The following DOCK11 variants were observed in gnomAD, a reference collection of about 807,000 sequenced individuals.
DOCK11 encodes the protein dedicator of cytokinesis protein 11.
A neutral mutation model predicts 169.1 loss-of-function variants in DOCK11; 70 were observed. That is an observed-to-expected ratio of 0.41 (90% CI 0.34 to 0.51). The LOEUF (loss-of-function observed/expected upper bound fraction) is 0.51, where lower values mean the gene tolerates loss of function less well. Ranked by LOEUF, DOCK11 falls within the 20% of genes least tolerant of loss-of-function variation. The probability of loss-of-function intolerance (pLI) is 0.10; values close to 1 mark genes in which losing one functional copy is unlikely to be tolerated. For synonymous variants in DOCK11, 529 were observed against 541.3 expected (o/e 0.98, Z 0.32); for missense variants, 1,166 against 1,538.8 (o/e 0.76, Z 4.05).
intron 46 of DOCK11, 146 bp downstream of exon 46, chrX:118,671,291 ATAGAG>A (rs747153953): frequency 7.7e-5 from 36 of 466,097 alleles, no homozygotes; most frequent in African/African-American, 6.4e-4. Flanking sequence ...GCATTTTATC[ATAGAG>A]TATAGTCTAT....
rs1217330205 is a variant in DOCK11, at chrX:118,638,165, C to T, written c.4001+38C>T. On this transcript the variant is annotated intron_variant, in intron 37 of 52. Transcript: ENST00000276202. Reference sequence around the variant, plus strand: ...GCACTGCAATTTCTACTTTTTCCTTCTCTTCCAACAGAGGGCAATCTTAGT... The same window carrying T: ...GCACTGCAATTTCTACTTTTTCCTTTTCTTCCAACAGAGGGCAATCTTAGT... 1.3e-5 allele frequency: 15 copies of T among 1,163,151 alleles called. No individual in the cohort carries two copies. The Admixed American group carries it at 2.5e-4, about 19-fold the overall frequency.
intron 1 of DOCK11, among the ~76,000 whole-genome samples, chrX:118,530,369 G>T (rs1256824129): frequency 3.5e-5 from 4 of 112,722 alleles, no homozygotes; most frequent in Non-Finnish European, 7.5e-5. Context: ...TTGACCTTCT[G>T]GCTTTCAGTG....
At chrX:118,538,780 A>G (rs1278217983) in intron 1 of DOCK11, 1 of 423,208 alleles carries the variant, frequency 2.4e-6, no homozygotes, top group East Asian at 1.9e-4. Flanking sequence ...GAAAGGATAA[A>G]TTACAAAGCT....
At position 118,550,371 on chromosome X, in the gene DOCK11, CGAGGCTGTAGT is replaced by C. The variant is rs200978229; in HGVS notation, c.558+4261_558+4271del. 2.4e-3 allele frequency among the ~76,000 whole-genome samples: 267 copies of C among 110,110 alleles called. 1 individual carries two copies. The highest frequency in any genetic ancestry group is 7.9e-3 in the African/African-American group (239 of 30,233). On this transcript the variant is annotated intron_variant, in intron 6 of 52. Coordinates refer to ENST00000276202, the MANE Select transcript of DOCK11 (RefSeq NM_144658.4). ...GGAGGATCACTTCAGCCTGGGAGGTCGAGGCTGTAGTGAGGCGAGATTGAGCCACTGCACTC... is the reference window on the plus strand; with the variant it reads ...GGAGGATCACTTCAGCCTGGGAGGTCGAGGCGAGATTGAGCCACTGCACTC...
chrX:118,586,559 G>A (rs965939023), intron 16 of DOCK11, among the ~76,000 whole-genome samples: 1 of 111,543 alleles, frequency 9.0e-6, no homozygotes, highest in Non-Finnish European at 1.9e-5. Flanking sequence ...ACAATTCATG[G>A]TGAGATTTGG....
intron 40 of DOCK11, among the ~76,000 whole-genome samples, chrX:118,647,527 TATA>T (rs1455784593): frequency 2.8e-4 from 21 of 74,693 alleles, no homozygotes; most frequent in East Asian, 7.6e-4. Flanking sequence ...TAATATATAA[TATA>T]ATATTATATA....
At chrX:118,650,222 C>G (rs948211751) in intron 41 of DOCK11, among the ~76,000 whole-genome samples, 2 of 111,416 alleles carry the variant, frequency 1.8e-5, no homozygotes, top group African/African-American at 6.5e-5. Flanking sequence ...GCAGAGTTAC[C>G]CTGAGGATTA....
At chrX:118,548,463 T>C (rs57964960) in intron 6 of DOCK11, among the ~76,000 whole-genome samples, 1,468 of 111,653 alleles carry the variant, frequency 0.013, 19 homozygotes, top group African/African-American at 0.045. Context: ...TCCACAATTA[T>C]GCGGGTGGGC....
intron 1 of DOCK11, among the ~76,000 whole-genome samples, chrX:118,537,140 A>G (rs1034137830): frequency 8.9e-6 from 1 of 112,179 alleles, no homozygotes; most frequent in Non-Finnish European, 1.9e-5. Flanking sequence ...CAATACTGCA[A>G]AAAAGCACTT....
chrX:118,648,075 T>TTGTAATATTATACA (rs1187043744), intron 40 of DOCK11, among the ~76,000 whole-genome samples: 1 of 51,295 alleles, frequency 1.9e-5, no homozygotes, highest in Non-Finnish European at 3.0e-5. Context: ...AATTGTAATA[T>TTGTAATATTATACA]ATATAATATA....
chrX:118,496,120 G>T (rs1470609534), intron 1 of DOCK11, 47 bp downstream of exon 1: 1 of 878,644 alleles, frequency 1.1e-6, no homozygotes, highest in East Asian at 4.6e-5. Flanking sequence ...GCTCCAGGCG[G>T]GAGCGACGCG....
Position 118,584,547 on chromosome X carries a change from C to T in DOCK11, c.1596-188C>T, listed in dbSNP as rs138969115. On this transcript the variant is annotated intron_variant, in intron 14 of 52. Coordinates refer to ENST00000276202, the MANE Select transcript of DOCK11 (RefSeq NM_144658.4). ...TGCGCAAATTAAGAACATTCATGTA[C>T]CATGTGGAAATATGCCTAGGAGTGG... is the stretch of plus-strand genomic sequence containing the variant. Among the ~76,000 whole-genome samples the T allele has an allele frequency of 7.5e-3, 840 of 112,008 alleles. 5 individuals are homozygous for T. Among genetic ancestry groups the T allele is most frequent in the Non-Finnish European group, 0.012 (652 of 53,206 alleles).
chrX:118,536,276 G>A (rs2011748924), intron 1 of DOCK11, among the ~76,000 whole-genome samples: 1 of 109,832 alleles, frequency 9.1e-6, no homozygotes, highest in African/African-American at 3.3e-5. Flanking sequence ...TCCATCCTGG[G>A]CGACAGAGTA....
chrX:118,621,719 C>T (rs1284661915), intron 31 of DOCK11, among the ~76,000 whole-genome samples: 3 of 111,161 alleles, frequency 2.7e-5, no homozygotes, highest in East Asian at 2.8e-4. Flanking sequence ...CTGCAGCCTC[C>T]GCCTCCCGGG....
chrX:118,593,054 A>G (rs762100337), intron 19 of DOCK11, among the ~76,000 whole-genome samples, 160 bp from the exon 20 acceptor site: 2 of 113,272 alleles, frequency 1.8e-5, no homozygotes, highest in African/African-American at 3.2e-5. Flanking sequence ...GAAACTGACC[A>G]GAAAAGCATT....
At chrX:118,561,675 G>A (rs906061833) in intron 7 of DOCK11, among the ~76,000 whole-genome samples, 158 bp downstream of exon 7, 2 of 109,133 alleles carry the variant, frequency 1.8e-5, no homozygotes, top group Non-Finnish European at 3.8e-5. Flanking sequence ...ACATCAGCCT[G>A]GGCAACAAAG....
intron 22 of DOCK11, among the ~76,000 whole-genome samples, chrX:118,598,394 T>TAA (rs35643381): frequency 2.1e-5 from 2 of 96,147 alleles, no homozygotes; most frequent in Non-Finnish European, 2.1e-5. Context: ...CCCTGTCTCT[T>TAA]AAAAAAAAAA....
chrX:118,521,986 T>C (rs1276281075), intron 1 of DOCK11, among the ~76,000 whole-genome samples: 3 of 111,910 alleles, frequency 2.7e-5, no homozygotes, highest in African/African-American at 9.7e-5. Flanking sequence ...GCATTGAAAA[T>C]GTTTGGGAAT....
chrX:118,554,394 A>G (rs2012606595), intron 6 of DOCK11, among the ~76,000 whole-genome samples: 1 of 110,703 alleles, frequency 9.0e-6, no homozygotes, highest in African/African-American at 3.3e-5. Flanking sequence ...TACTAAAAAT[A>G]CAAAAATTAG....
Sources: allele counts gnomAD v4.1 joint callset (sites outside exome capture counted in the v4.1 genomes callset), GRCh38; gene constraint gnomAD v4.1.1; transcripts MANE v1.5; gene names NCBI Gene and HGNC (gene_info 2026-07-23, HGNC 2026-07-21).